Variants in FAT4 observed in about 807,000 individuals in gnomAD.
FAT4 encodes FAT atypical cadherin 4, also known as protocadherin Fat 4.
Under a neutral mutation model 303.9 loss-of-function variants are expected in FAT4, and 84 were observed. The observed-to-expected ratio is 0.28, with a 90% CI of 0.23 to 0.33. The LOEUF (loss-of-function observed/expected upper bound fraction) is 0.33, where lower values mean the gene tolerates loss of function less well. Ranked by LOEUF, FAT4 falls within the 10% of genes least tolerant of loss-of-function variation. The probability of loss-of-function intolerance (pLI) is 1.00; values close to 1 mark genes in which losing one functional copy is unlikely to be tolerated. For missense variants in FAT4, 6,005 were observed against 6,146.8 expected, an observed-to-expected ratio of 0.98 and a Z score of 0.77; for synonymous variants, 2,307 against 2,298.8, an observed-to-expected ratio of 1.00 and a Z score of -0.10.
At position 125,320,264 on chromosome 4, in the gene FAT4, A is replaced by T. The variant is rs772448981; in HGVS notation, c.3853A>T (p.Ile1285Phe). The T allele has an allele frequency of 6.2e-6, 10 of 1,614,052 alleles. No homozygotes were observed. In the Admixed American group the frequency reaches 1.5e-4, roughly 24 times the overall value. Residue 1285 changes from isoleucine (I) to phenylalanine (F), a missense_variant, in exon 2 of 18, where the codon ATT (isoleucine) becomes TTT (phenylalanine). Physicochemically the swap from Ile to Phe is conservative, Grantham distance 21. Coordinates refer to ENST00000394329, the MANE Select transcript of FAT4 (RefSeq NM_001291303.3). ...AGCAACACCTGCCTATTCCCTTGTA[A>T]TTCAAGCAGTGGATTCAGGGACAAT... ...YEATPAYSLV[I>F]QAVDSGTIPL...
chr4:125,480,251 C>T (rs1727180627), intron 15 of FAT4, among the ~76,000 whole-genome samples: 1 of 152,016 alleles, frequency 6.6e-6, no homozygotes, highest in South Asian at 2.1e-4. Context: ...AAGGTATACA[C>T]ACTAAATCAC....
At chr4:125,390,237 C>T (rs1733929679) in intron 2 of FAT4, among the ~76,000 whole-genome samples, 1 of 151,982 alleles carries the variant, frequency 6.6e-6, no homozygotes, top group Non-Finnish European at 1.5e-5. Context: ...ACTTGATTCT[C>T]ATGTTTAAGG....
At chr4:125,385,022 A>ATT (rs755113747) in intron 2 of FAT4, among the ~76,000 whole-genome samples, 2 of 79,992 alleles carry the variant, frequency 2.5e-5, no homozygotes, top group East Asian at 4.8e-4. Flanking sequence ...ATATATATAT[A>ATT]TATTTTTTTT....
chr4:125,351,362 G>C (rs1172374963), intron 2 of FAT4, among the ~76,000 whole-genome samples: 1 of 151,686 alleles, frequency 6.6e-6, no homozygotes, highest in Non-Finnish European at 1.5e-5. Flanking sequence ...TTTGGTAAAT[G>C]TGCTTTTAGT....
intron 15 of FAT4, 27 bp from the exon 16 acceptor site, chr4:125,481,494 T>C (rs1320915450): frequency 6.2e-7 from 1 of 1,603,978 alleles, no homozygotes; most frequent in Admixed American, 1.7e-5. Flanking sequence ...AATGCATTCA[T>C]TTTCCCTTTT....
Position 125,316,181 on chromosome 4 carries a change from C to CT in FAT4, c.-13+205dup, listed in dbSNP as rs1730576243. On this transcript the variant is annotated intron_variant, in intron 1 of 17. Coordinates refer to ENST00000394329, the MANE Select transcript of FAT4 (RefSeq NM_001291303.3). The surrounding 1 kb of genome is among the most constrained non-coding windows in gnomAD (Gnocchi z 5.7). ...TCACAGGAGTGTCCCGCGGAATGCCCTGCCGCTTTTCGCCACAGCATCTCT... is the reference window on the plus strand; with the variant it reads ...TCACAGGAGTGTCCCGCGGAATGCCCTTGCCGCTTTTCGCCACAGCATCTCT... Among the ~76,000 whole-genome samples the CT allele has an allele frequency of 6.6e-6, 1 of 152,164 alleles. No individual in the cohort carries two copies. The highest frequency in any genetic ancestry group is 2.4e-5 in the African/African-American group (1 of 41,440).
intron 2 of FAT4, among the ~76,000 whole-genome samples, chr4:125,341,914 A>G (rs1423445212): frequency 6.6e-6 from 1 of 152,068 alleles, no homozygotes; most frequent in Non-Finnish European, 1.5e-5. Context: ...TTCATCATAT[A>G]CAAAAGATTA....
chr4:125,377,772 A>G (rs2710577), intron 2 of FAT4, among the ~76,000 whole-genome samples: 150,706 of 152,116 alleles, frequency 0.99, 74,664 homozygotes, highest in East Asian at 1. Context: ...ACAAACCAAA[A>G]CAAAATTAGG....
In FAT4 at chr4:125,451,256, A is replaced by C; in HGVS notation, c.10246A>C (p.Ser3416Arg). 6.2e-7 allele frequency: 1 copy of C among 1,614,078 alleles called. No individual in the cohort carries two copies. The highest frequency in any genetic ancestry group is 8.5e-7 in the Non-Finnish European group (1 of 1,180,010). Residue 3416 changes from serine (S) to arginine (R), a missense_variant, in exon 10 of 18, where the codon AGT (serine) becomes CGT (arginine). By Grantham distance (110) the Ser-to-Arg change is moderately radical. Coordinates refer to ENST00000394329, the MANE Select transcript of FAT4 (RefSeq NM_001291303.3). ...FTLNIYSVQI[S>R]EGVPIGTHVT... Reference sequence around the variant, plus strand: ...TCTAAACATCTACAGTGTGCAGATCAGTGAAGGGGTCCCAATAGGAACTCA... The same window carrying C: ...TCTAAACATCTACAGTGTGCAGATCCGTGAAGGGGTCCCAATAGGAACTCA...
chr4:125,467,726 T>A (rs1726714445), intron 11 of FAT4, among the ~76,000 whole-genome samples: 1 of 152,122 alleles, frequency 6.6e-6, no homozygotes, highest in Admixed American at 6.5e-5. Context: ...CCCTTGAAAA[T>A]AACATGAATA....
At chr4:125,390,063 A>G (rs1733920016) in intron 2 of FAT4, among the ~76,000 whole-genome samples, 1 of 152,160 alleles carries the variant, frequency 6.6e-6, no homozygotes, top group Admixed American at 6.6e-5. Context: ...AAAATGAAGA[A>G]CAAACTTAAA....
At chr4:125,463,385 T>C (rs529124091) in intron 10 of FAT4, among the ~76,000 whole-genome samples, 178 bp from the exon 11 acceptor site, 1 of 152,190 alleles carries the variant, frequency 6.6e-6, no homozygotes, top group African/African-American at 2.4e-5. Context: ...ATAGGACAAC[T>C]AAACAAGATT....
At chr4:125,330,384 T>C (rs1435271184) in intron 2 of FAT4, among the ~76,000 whole-genome samples, 2 of 152,226 alleles carry the variant, frequency 1.3e-5, no homozygotes, top group African/African-American at 4.8e-5. Context: ...ACTTATCTCC[T>C]CACATGTTAA....
intron 7 of FAT4, among the ~76,000 whole-genome samples, chr4:125,420,959 C>T (rs1220966940): frequency 2.0e-5 from 3 of 152,184 alleles, no homozygotes; most frequent in Non-Finnish European, 4.4e-5. Flanking sequence ...GAGAGGGAGT[C>T]TCACTCTGTT....
intron 10 of FAT4, among the ~76,000 whole-genome samples, chr4:125,459,448 C>G (rs1191675530): frequency 6.6e-6 from 1 of 151,988 alleles, no homozygotes; most frequent in Non-Finnish European, 1.5e-5. Flanking sequence ...CTGCGGATAC[C>G]ATGGATTCCT....
Position 125,318,832 on chromosome 4 carries a change from G to A in FAT4, c.2421G>A (p.Ala807=), listed in dbSNP as rs554223388. 38 of 1,614,134 alleles carry A rather than the reference G, an allele frequency of 2.4e-5. No homozygotes were observed. Among genetic ancestry groups the A allele is most frequent in the South Asian group, 1.3e-4 (12 of 91,080 alleles). Residue 807 remains alanine, a synonymous_variant, in exon 2 of 18, where the codon GCG becomes GCA. Coordinates refer to ENST00000394329, the MANE Select transcript of FAT4 (RefSeq NM_001291303.3). ...AYSFVVFENV[A]LGYHVGSVSA... The stretch of plus-strand genomic sequence containing the variant: ...GCTTTGTGGTTTTTGAGAACGTGGC[G>A]CTGGGATATCATGTGGGTAGTGTGT...
In FAT4 at chr4:125,448,717, G is replaced by C. The variant is rs988863; in HGVS notation, c.7707G>C (p.Val2569=). ...TGAATAAGGCCGATTTCCCTAAAGT[G>C]AGAGCCAAAGAACAAACGTTCATGT... ...RFVNKADFPK[V]RAKEQTFMFP... The change falls in exon 10 of 18, where the codon GTG becomes GTC. Residue 2569 remains valine, a synonymous_variant. Coordinates refer to ENST00000394329, the MANE Select transcript of FAT4 (RefSeq NM_001291303.3). 1,611,857 of 1,613,886 alleles carry C rather than the reference G, an allele frequency of 1. 804,936 individuals carry two copies. Among genetic ancestry groups the C allele is most frequent in the East Asian group, 1 (44,856 of 44,856 alleles).
chr4:125,388,424 G>A (rs573224147), intron 2 of FAT4, among the ~76,000 whole-genome samples: 2 of 152,030 alleles, frequency 1.3e-5, no homozygotes, highest in Non-Finnish European at 2.9e-5. Flanking sequence ...AAAATTTAGT[G>A]GCATTTTTTG....
At position 125,450,518 on chromosome 4, in the gene FAT4, G is replaced by A; in HGVS notation, c.9508G>A (p.Asp3170Asn). 1.9e-5 allele frequency: 30 copies of A among 1,614,142 alleles called. No individual in the cohort carries two copies. Among genetic ancestry groups the A allele is most frequent in the Non-Finnish European group, 2.5e-5 (30 of 1,180,026 alleles). ...ACACGAAATGACGATTAGTGCTATA[G>A]ATGGAGGATGGGTTGCAAGAACTGG... ...QKHEMTISAIDGGWVARTGYC... is the reference protein window; with the variant it reads ...QKHEMTISAINGGWVARTGYC... Residue 3170 changes from aspartate to asparagine, a missense_variant, in exon 10 of 18, where the codon GAT (aspartate) becomes AAT (asparagine). Asp to Asn is a conservative substitution (Grantham distance 23). Transcript: ENST00000394329.
Sources: allele counts gnomAD v4.1 joint callset (sites outside exome capture counted in the v4.1 genomes callset), GRCh38; gene constraint gnomAD v4.1.1; non-coding constraint Gnocchi (gnomAD v3.1); transcripts MANE v1.5; gene names NCBI Gene and HGNC (gene_info 2026-07-23, HGNC 2026-07-21).